Variants in RNF17 observed in about 807,000 individuals in gnomAD.
The protein encoded by RNF17 is ring finger protein 17.
In RNF17, 31 loss-of-function variants were observed where a neutral mutation model predicts 200.5. That is an observed-to-expected ratio of 0.15 (90% CI 0.12 to 0.21). RNF17 has a LOEUF of 0.21. RNF17 is among the 10% of genes least tolerant of loss of function. RNF17 has a pLI of 1.00. For missense variants in RNF17, 1,628 were observed against 1,905.1 expected (o/e 0.85, Z 2.71); for synonymous variants, 606 against 637.8 (o/e 0.95, Z 0.75).
chr13:24,887,078 A>T, the RNF17 span, among the ~76,000 whole-genome samples: 1 of 152,176 alleles, frequency 6.6e-6, no homozygotes, highest in Non-Finnish European at 1.5e-5. Flanking sequence ...GTGCTGGAAT[A>T]GCTGGGTAGA....
intron 18 of RNF17, among the ~76,000 whole-genome samples, chr13:24,839,498 G>A (rs961458252): frequency 6.6e-6 from 1 of 152,104 alleles, no homozygotes; most frequent in Non-Finnish European, 1.5e-5. Context: ...TATAAGGCCA[G>A]TCACCAAAAC....
At chr13:24,831,794 C>G in intron 17 of RNF17, 64 bp from the exon 18 acceptor site, 1 of 1,416,502 alleles carries the variant, frequency 7.1e-7, no homozygotes, top group Middle Eastern at 2.3e-4. Context: ...CTTAATAAAA[C>G]TTGAATTCTA....
chr13:24,798,766 T>C (rs959916416), intron 11 of RNF17, among the ~76,000 whole-genome samples: 12 of 150,232 alleles, frequency 8.0e-5, no homozygotes, highest in African/African-American at 2.9e-4. Context: ...CCTTTTTTTT[T>C]GTTTGTTTGA....
chr13:24,779,699 A>C lies in RNF17; in HGVS notation c.462A>C (p.Ala154=). 6.2e-7 allele frequency: 1 copy of C among 1,613,646 alleles called. No homozygotes were observed. Among genetic ancestry groups the C allele is most frequent in the South Asian group, 1.1e-5 (1 of 91,068 alleles). Residue 154 remains alanine (A), a synonymous_variant, in exon 5 of 36, where the codon GCA becomes GCC. Coordinates refer to ENST00000255324, the MANE Select transcript of RNF17 (RefSeq NM_031277.3). ...ATACTGCAGAAGAAATTGATGAAGC[A>C]TTGAATACAGCACACCATAGTTTCG... ...DTNTAEEIDE[A]LNTAHHSFEQ...
intron 31 of RNF17, among the ~76,000 whole-genome samples, chr13:24,869,031 C>G (rs1443996702): frequency 6.6e-6 from 1 of 152,210 alleles, no homozygotes; most frequent in Non-Finnish European, 1.5e-5. Flanking sequence ...CCTTCCTCTT[C>G]CTGCACTGAA....
At chr13:24,883,438 C>T, downstream of RNF17, 1 of 1,290,580 alleles carries the variant, frequency 7.7e-7, no homozygotes, top group Non-Finnish European at 1.1e-6. Flanking sequence ...AGAAAAACTA[C>T]TGAAAAGTAG....
intron 15 of RNF17, among the ~76,000 whole-genome samples, chr13:24,812,684 C>T (rs1463490949): frequency 3.5e-5 from 3 of 86,898 alleles, no homozygotes; most frequent in African/African-American, 1.2e-4. Context: ...GCCCCACCCC[C>T]TTTTTTTTTT....
chr13:24,799,858 C>A (rs939551598), intron 12 of RNF17, among the ~76,000 whole-genome samples: 23 of 152,120 alleles, frequency 1.5e-4, no homozygotes, highest in Admixed American at 5.2e-4. Context: ...CAAACTAATT[C>A]TTTTAAATGT....
Position 24,862,701 on chromosome 13 carries a change from A to C in RNF17, c.3895-12A>C. 1 of 1,555,864 alleles carries C rather than the reference A, an allele frequency of 6.4e-7. No homozygotes were observed. Among genetic ancestry groups the C allele is most frequent in the Non-Finnish European group, 8.9e-7 (1 of 1,128,158 alleles). ...AAGCATAAAAGAATCTGAGTTTATT[A>C]ATCTCAAATAGGTTGGGAATGTCTG... On this transcript the variant is annotated splice_polypyrimidine_tract_variant and intron_variant, in intron 27 of 35. Transcript: ENST00000255324.
At chr13:24,769,776 C>T (rs1236901650) in intron 2 of RNF17, among the ~76,000 whole-genome samples, 1 of 152,144 alleles carries the variant, frequency 6.6e-6, no homozygotes, top group Non-Finnish European at 1.5e-5. Flanking sequence ...ATGCTGTTTA[C>T]TTCAAATGTA....
intron 16 of RNF17, among the ~76,000 whole-genome samples, chr13:24,829,569 C>T (rs1332915855): frequency 6.6e-6 from 1 of 152,116 alleles, no homozygotes; most frequent in East Asian, 1.9e-4. Flanking sequence ...TATCTCCTAC[C>T]ATAGGGCCTA....
chr13:24,877,176 C>T lies in RNF17; in HGVS notation c.4763C>T (p.Ala1588Val), dbSNP rs1444697604. ...IDCLQGKQLY[A>V]VSMAPAPEQI... The stretch of plus-strand genomic sequence containing the variant: ...TGTCTTCAAGGAAAACAACTCTATG[C>T]TGTGTCCATGGTAAGTGTCTCAAGT... The change falls in exon 34 of 36, where the codon GCT becomes GTT. Residue 1588 changes from alanine (A) to valine (V), a missense_variant. Physicochemically the swap from Ala to Val is moderately conservative, Grantham distance 64. Transcript: ENST00000255324. 1.2e-6 allele frequency: 2 copies of T among 1,611,280 alleles called. No individual in the cohort carries two copies. Among genetic ancestry groups the T allele is most frequent in the Admixed American group, 1.7e-5 (1 of 59,270 alleles).
At chr13:24,755,010 G>A in the RNF17 span, among the ~76,000 whole-genome samples, 2 of 151,492 alleles carry the variant, frequency 1.3e-5, no homozygotes, top group African/African-American at 2.4e-5. Context: ...TAATTTAGTA[G>A]TATGCTGTTT....
chr13:24,842,169 G>A lies in RNF17; in HGVS notation c.2603+8G>A. ...AGCATCTTATGAAATAGGGTAAGTA[G>A]ATATGTAAACTTTCATTGTTAGTTC... On this transcript the variant is annotated splice_region_variant and intron_variant, in intron 19 of 35. Coordinates refer to ENST00000255324, the MANE Select transcript of RNF17 (RefSeq NM_031277.3). The A allele has an allele frequency of 6.3e-7, 1 of 1,581,754 alleles. No homozygotes were observed. Among genetic ancestry groups the A allele is most frequent in the Non-Finnish European group, 8.6e-7 (1 of 1,167,750 alleles).
At chr13:24,873,529 C>A (rs935901156) in intron 32 of RNF17, among the ~76,000 whole-genome samples, 14 of 152,180 alleles carry the variant, frequency 9.2e-5, no homozygotes, top group African/African-American at 3.4e-4. Context: ...GGGTATTCAT[C>A]ACCTCGAGCA....
intron 34 of RNF17, among the ~76,000 whole-genome samples, chr13:24,878,499 G>A (rs537569251): frequency 3.9e-5 from 6 of 152,178 alleles, no homozygotes; most frequent in Non-Finnish European, 8.8e-5. Context: ...AGCTGGTAGC[G>A]TGGCTCAGTC....
At chr13:24,799,795 A>G (rs1885022849) in intron 12 of RNF17, among the ~76,000 whole-genome samples, 2 of 152,146 alleles carry the variant, frequency 1.3e-5, no homozygotes, top group Admixed American at 1.3e-4. Flanking sequence ...TTAGAAAAGG[A>G]ACTCCAAACT....
chr13:24,883,836 C>G, downstream of RNF17: 1 of 992,076 alleles, frequency 1.0e-6, no homozygotes, highest in Non-Finnish European at 1.6e-6. Context: ...GTGGGACATT[C>G]ATTCAAACTG....
At chr13:24,804,735 C>T (rs1333190858) in intron 15 of RNF17, among the ~76,000 whole-genome samples, 2 of 152,070 alleles carry the variant, frequency 1.3e-5, no homozygotes, top group Non-Finnish European at 2.9e-5. Flanking sequence ...TTTTTCTAAC[C>T]TGTACCTCTG....
Sources: gnomAD v4.1 joint callset for allele counts (sites outside exome capture counted in the v4.1 genomes callset) on GRCh38, gnomAD v4.1.1 for gene constraint, MANE v1.5 for transcripts, NCBI Gene and HGNC (gene_info 2026-07-23, HGNC 2026-07-21) for gene names.